SNX9: variants seen among roughly 807,000 people sequenced by gnomAD.
SNX9 encodes sorting nexin-9.
In SNX9, 44 loss-of-function variants were observed where a neutral mutation model predicts 89.4. The observed-to-expected ratio is 0.49, with a 90% CI of 0.39 to 0.63. SNX9 has a LOEUF of 0.63. SNX9 is among the 30% of genes least tolerant of loss of function. The pLI, the probability that SNX9 is intolerant of heterozygous loss-of-function variation, is 0.00. For synonymous variants in SNX9, 236 were observed against 247.8 expected (o/e 0.95, Z 0.45); for missense variants, 578 against 736.1 (o/e 0.79, Z 2.49).
chr6:157,935,902 T>G, intron 13 of SNX9, 62 bp from the exon 14 acceptor site: 1 of 1,207,884 alleles, frequency 8.3e-7, no homozygotes, highest in Non-Finnish European at 1.1e-6. Flanking sequence ...ATAATAAAAT[T>G]TTAACAAGTG....
At chr6:157,829,707 G>T (rs1432130537) in intron 1 of SNX9, among the ~76,000 whole-genome samples, 1 of 152,038 alleles carries the variant, frequency 6.6e-6, no homozygotes, top group African/African-American at 2.4e-5. Context: ...TTTACCTCTG[G>T]TAATGCATTT....
intron 9 of SNX9, among the ~76,000 whole-genome samples, chr6:157,914,469 CTT>C (rs34419515): frequency 4.0e-5 from 3 of 75,130 alleles, no homozygotes; most frequent in African/African-American, 1.1e-4. Context: ...TTTTCTTTTT[CTT>C]TTTTTTTTTT....
At chr6:157,889,164 C>T (rs1782801735) in intron 4 of SNX9, among the ~76,000 whole-genome samples, 1 of 152,126 alleles carries the variant, frequency 6.6e-6, no homozygotes. Context: ...GGCGCAGTGG[C>T]TCACGCCTGT....
chr6:157,843,893 G>A (rs1318926365), intron 1 of SNX9, among the ~76,000 whole-genome samples: 1 of 31,462 alleles, frequency 3.2e-5, no homozygotes, highest in African/African-American at 1.6e-4. Context: ...TTTTTTTTTT[G>A]AGATGGAGTC....
At chr6:157,911,206 C>G (rs1424961834) in intron 9 of SNX9, among the ~76,000 whole-genome samples, 2 of 152,162 alleles carry the variant, frequency 1.3e-5, no homozygotes, top group African/African-American at 4.8e-5. Context: ...AAAATGTTCA[C>G]ATACATGAAC....
intron 13 of SNX9, among the ~76,000 whole-genome samples, chr6:157,932,762 G>A (rs7742067): frequency 0.096 from 14,537 of 150,736 alleles, 747 homozygotes; most frequent in African/African-American, 0.12. Context: ...AACTATTTGG[G>A]AGGCTGAGGT....
chr6:157,940,918 G>A lies in SNX9; in HGVS notation c.1684G>A (p.Asp562Asn). ...MNHFHSNRIY[D>N]YNSVIRLYLE... ...TCACTTTCACAGTAACCGGATCTAT[G>A]ATTACAACAGTGTCATCCGCCTGTA... The change falls in exon 17 of 18, where the codon GAT becomes AAT. Residue 562 changes from aspartate to asparagine, a missense_variant. Physicochemically the swap from Asp to Asn is conservative, Grantham distance 23. Coordinates refer to ENST00000392185, the MANE Select transcript of SNX9 (RefSeq NM_016224.5). The A allele has an allele frequency of 6.2e-7, 1 of 1,614,180 alleles. No homozygotes were observed. Among genetic ancestry groups the A allele is most frequent in the Non-Finnish European group, 8.5e-7 (1 of 1,180,020 alleles).
intron 16 of SNX9, among the ~76,000 whole-genome samples, chr6:157,939,905 G>T (rs1378943465): frequency 6.6e-6 from 1 of 152,084 alleles, no homozygotes; most frequent in Admixed American, 6.6e-5. Context: ...GGCATAGGAG[G>T]CATCCGAGGG....
chr6:157,909,702 C>G lies in SNX9; in HGVS notation c.743C>G (p.Ser248Cys), dbSNP rs1358390484. Residue 248 changes from serine (S) to cysteine (C), a missense_variant, in exon 8 of 18, where the codon TCT becomes TGT. Transcript: ENST00000392185. Reference protein sequence around the residue: ...DYGPMWVYPTSTFDCVVADPR... With the variant: ...DYGPMWVYPTCTFDCVVADPR... The stretch of plus-strand genomic sequence containing the variant: ...GGCCCAATGTGGGTTTATCCTACCT[C>G]TACTTTTGACTGTGTGGTAGCAGAT... 11 of 1,614,204 alleles carry G rather than the reference C, an allele frequency of 6.8e-6. No homozygotes were observed. Among genetic ancestry groups the G allele is most frequent in the Non-Finnish European group, 9.3e-6 (11 of 1,180,034 alleles).
intron 1 of SNX9, among the ~76,000 whole-genome samples, chr6:157,842,800 C>A (rs968323767): frequency 1.4e-4 from 22 of 152,250 alleles, no homozygotes; most frequent in African/African-American, 5.1e-4. Context: ...GTGATGTTAT[C>A]CCCAGGAGCA....
At chr6:157,928,259 G>T (rs969092799) in intron 11 of SNX9, among the ~76,000 whole-genome samples, 1 of 152,140 alleles carries the variant, frequency 6.6e-6, no homozygotes, top group Non-Finnish European at 1.5e-5. Context: ...GCTAGCATTA[G>T]CAACCCCTGT....
chr6:157,863,561 A>G (rs1034251425), intron 1 of SNX9, among the ~76,000 whole-genome samples: 2 of 152,200 alleles, frequency 1.3e-5, no homozygotes, highest in African/African-American at 4.8e-5. Flanking sequence ...AGCTCTTAGA[A>G]ATAGTTGAAG....
In SNX9 at chr6:157,849,751, G is replaced by A. The variant is rs954199373; in HGVS notation, c.13-17796G>A. ...CTTTTTGGGTGAGTGGATAGGAGAA[G>A]TTCCATCTAGAAGGCTGGGGAATGC... On this transcript the variant is annotated intron_variant, in intron 1 of 17. Coordinates refer to ENST00000392185, the MANE Select transcript of SNX9 (RefSeq NM_016224.5). Among the ~76,000 whole-genome samples the A allele has an allele frequency of 3.3e-5, 5 of 152,142 alleles. No individual in the cohort carries two copies. In the South Asian group the frequency reaches 1.0e-3, roughly 32 times the overall value.
intron 7 of SNX9, 32 bp downstream of exon 7, chr6:157,906,244 C>G (rs1229768622): frequency 1.9e-6 from 3 of 1,539,376 alleles, no homozygotes; most frequent in Non-Finnish European, 2.7e-6. Context: ...TGCTTTCTTT[C>G]TGATTAAGCT....
intron 9 of SNX9, among the ~76,000 whole-genome samples, chr6:157,918,260 TG>T (rs1194465061): frequency 3.3e-5 from 5 of 152,184 alleles, no homozygotes; most frequent in African/African-American, 1.2e-4. Context: ...TCTGTCACTT[TG>T]TTTTATGTAT....
At chr6:157,831,288 G>GGTT (rs1477422348) in intron 1 of SNX9, among the ~76,000 whole-genome samples, 1 of 152,162 alleles carries the variant, frequency 6.6e-6, no homozygotes, top group Admixed American at 6.5e-5. Flanking sequence ...CCTAGATTGA[G>GGTT]GTTGTATCCT....
chr6:157,884,787 A>G (rs1411300015), intron 4 of SNX9, among the ~76,000 whole-genome samples: 2 of 152,212 alleles, frequency 1.3e-5, no homozygotes, highest in East Asian at 3.8e-4. Context: ...TTTCAAAAAT[A>G]CATGCTGGTG....
intron 2 of SNX9, among the ~76,000 whole-genome samples, chr6:157,871,455 A>T (rs1409927605): frequency 1.3e-5 from 2 of 152,056 alleles, no homozygotes; most frequent in Middle Eastern, 3.4e-3. Context: ...GCATGTTCTC[A>T]TTCATAGGTG....
chr6:157,929,870 T>C (rs1783773003), intron 12 of SNX9, among the ~76,000 whole-genome samples: 1 of 152,240 alleles, frequency 6.6e-6, no homozygotes, highest in Non-Finnish European at 1.5e-5. Flanking sequence ...AATCCAGATC[T>C]GAAAATCCAA....
Sources: gnomAD v4.1 joint callset for allele counts (sites outside exome capture counted in the v4.1 genomes callset) on GRCh38, gnomAD v4.1.1 for gene constraint, MANE v1.5 for transcripts, NCBI Gene and HGNC (gene_info 2026-07-23, HGNC 2026-07-21) for gene names.